The following ZFYVE9 variants were observed in gnomAD, a reference collection of about 807,000 sequenced individuals.
ZFYVE9 encodes zinc finger FYVE domain-containing protein 9.
In ZFYVE9, 43 loss-of-function variants were observed where a neutral mutation model predicts 126.7. The observed-to-expected ratio is 0.34, with a 90% CI of 0.27 to 0.44. The LOEUF (loss-of-function observed/expected upper bound fraction) is 0.44, where lower values mean the gene tolerates loss of function less well. ZFYVE9 is among the 20% of genes least tolerant of loss of function. The pLI is 1.00. For synonymous variants in ZFYVE9, 521 were observed against 597.4 expected (o/e 0.87, Z 1.87); for missense variants, 1,476 against 1,697.0 (o/e 0.87, Z 2.29).
chr1:52,283,768 A>G (rs1017280812), intron 10 of ZFYVE9, among the ~76,000 whole-genome samples: 5 of 152,202 alleles, frequency 3.3e-5, no homozygotes, highest in Admixed American at 1.3e-4. Flanking sequence ...TGAGAGGTCT[A>G]TATCTGGATT....
intron 5 of ZFYVE9, among the ~76,000 whole-genome samples, chr1:52,264,881 A>T (rs1160722438): frequency 6.6e-6 from 1 of 152,192 alleles, no homozygotes; most frequent in African/African-American, 2.4e-5. Flanking sequence ...AATATGAATC[A>T]TTCTCTCCAC....
intron 4 of ZFYVE9, among the ~76,000 whole-genome samples, chr1:52,255,913 CTTTTCT>C (rs1014385054): frequency 1.6e-5 from 1 of 62,040 alleles, no homozygotes; most frequent in African/African-American, 1.1e-4. Flanking sequence ...CTTTTCTTTT[CTTTTCT>C]TTTCTTTTCT....
intron 4 of ZFYVE9, among the ~76,000 whole-genome samples, chr1:52,258,278 G>T (rs1457241036): frequency 6.8e-6 from 1 of 147,852 alleles, no homozygotes; most frequent in Middle Eastern, 3.5e-3. Context: ...AAGTTCAGGT[G>T]TGCAAATATG....
intron 11 of ZFYVE9, 134 bp from the exon 12 acceptor site, chr1:52,295,761 T>C (rs1169338540): frequency 7.4e-6 from 5 of 678,506 alleles, no homozygotes; most frequent in Admixed American, 3.0e-5. Context: ...TGCCAAATAC[T>C]TTTTGAGCCC....
intron 10 of ZFYVE9, among the ~76,000 whole-genome samples, chr1:52,284,827 T>C (rs1166583112): frequency 6.6e-6 from 1 of 152,172 alleles, no homozygotes; most frequent in African/African-American, 2.4e-5. Flanking sequence ...AAGATACTAA[T>C]GATAGTCTAA....
chr1:52,301,693 T>C (rs967837844), intron 12 of ZFYVE9, among the ~76,000 whole-genome samples: 10 of 152,226 alleles, frequency 6.6e-5, no homozygotes, highest in African/African-American at 2.4e-4. Context: ...ATGTTTCCCG[T>C]ACTTGGGGTT....
intron 4 of ZFYVE9, among the ~76,000 whole-genome samples, chr1:52,242,265 T>A (rs898265964): frequency 5.9e-5 from 9 of 152,084 alleles, no homozygotes; most frequent in Non-Finnish European, 1.0e-4. Context: ...CTCCTGACCT[T>A]AAGTGATCCA....
At position 52,337,984 on chromosome 1, in the gene ZFYVE9, T is replaced by A. The variant is rs772628597; in HGVS notation, c.3833+50T>A. 84 of 1,575,060 alleles carry A rather than the reference T, an allele frequency of 5.3e-5. 3 individuals carry two copies. The South Asian group carries it at 9.7e-4, about 18-fold the overall frequency. ...TGTGGCTTTTAGTTATAGGTTAGGC[T>A]CTGGGTTTTGTCTGCTGTCTACATT... On this transcript the variant is annotated intron_variant, in intron 16 of 18. Transcript: ENST00000287727.
intron 13 of ZFYVE9, among the ~76,000 whole-genome samples, chr1:52,304,745 T>C (rs1005513306): frequency 2.0e-5 from 3 of 152,180 alleles, no homozygotes; most frequent in Admixed American, 2.0e-4. Context: ...AGCATTATTA[T>C]GAGAATGACC....
At chr1:52,282,915 A>G (rs919425442) in intron 10 of ZFYVE9, among the ~76,000 whole-genome samples, 2 of 152,324 alleles carry the variant, frequency 1.3e-5, no homozygotes. Context: ...AGCAGGATAT[A>G]TAATTGTATT....
chr1:52,232,085 A>G (rs1046266727), intron 2 of ZFYVE9, among the ~76,000 whole-genome samples: 1 of 152,226 alleles, frequency 6.6e-6, no homozygotes, highest in Non-Finnish European at 1.5e-5. Context: ...CTTAAAGTTT[A>G]CAAAGACAGC....
At chr1:52,307,911 C>T (rs1313159262) in intron 13 of ZFYVE9, among the ~76,000 whole-genome samples, 1 of 151,946 alleles carries the variant, frequency 6.6e-6, no homozygotes, top group Non-Finnish European at 1.5e-5. Context: ...GCTACCACGC[C>T]CGGCTAATTT....
intron 10 of ZFYVE9, among the ~76,000 whole-genome samples, chr1:52,287,269 A>G (rs1278607872): frequency 6.6e-6 from 1 of 151,528 alleles, no homozygotes; most frequent in African/African-American, 2.4e-5. Flanking sequence ...CTGCCACCAC[A>G]CTTGGAATAA....
chr1:52,197,470 A>G (rs1302700597), intron 1 of ZFYVE9, among the ~76,000 whole-genome samples: 2 of 152,164 alleles, frequency 1.3e-5, no homozygotes, highest in Non-Finnish European at 2.9e-5. Context: ...ATCATAGTAG[A>G]TACAATTCTC....
intron 1 of ZFYVE9, among the ~76,000 whole-genome samples, chr1:52,213,703 T>G (rs1478583586): frequency 6.6e-6 from 1 of 152,116 alleles, no homozygotes; most frequent in East Asian, 1.9e-4. Flanking sequence ...TTTATTTTCT[T>G]TCTTTCTTGA....
At chr1:52,254,455 C>T (rs900736103) in intron 4 of ZFYVE9, among the ~76,000 whole-genome samples, 8 of 151,128 alleles carry the variant, frequency 5.3e-5, no homozygotes, top group African/African-American at 1.2e-4. Context: ...TCTGGGAGGC[C>T]GAGGCAGGCA....
intron 13 of ZFYVE9, among the ~76,000 whole-genome samples, chr1:52,310,166 C>G (rs767783969): frequency 7.2e-5 from 11 of 151,978 alleles, no homozygotes; most frequent in Admixed American, 2.6e-4. Context: ...ATGAGATTTC[C>G]CCTTGTTGCC....
intron 4 of ZFYVE9, among the ~76,000 whole-genome samples, chr1:52,259,874 A>G (rs763263813): frequency 2.6e-5 from 4 of 152,146 alleles, no homozygotes; most frequent in African/African-American, 7.2e-5. Context: ...TTCCATGTCA[A>G]TCGGTACATA....
chr1:52,225,703 G>A (rs918932061), intron 2 of ZFYVE9, among the ~76,000 whole-genome samples: 1 of 152,152 alleles, frequency 6.6e-6, no homozygotes, highest in African/African-American at 2.4e-5. Flanking sequence ...TACAACTTAT[G>A]ACCAGGAAGT....
Sources: gnomAD v4.1 joint callset for allele counts (sites outside exome capture counted in the v4.1 genomes callset) on GRCh38, gnomAD v4.1.1 for gene constraint, MANE v1.5 for transcripts, NCBI Gene and HGNC (gene_info 2026-07-23, HGNC 2026-07-21) for gene names.